The following PBXIP1 variants were observed in gnomAD, a reference collection of about 807,000 sequenced individuals.
PBXIP1 encodes PBX homeobox interacting protein 1, also known as pre-B-cell leukemia transcription factor-interacting protein 1.
A neutral mutation model predicts 73.7 loss-of-function variants in PBXIP1; 73 were observed. The ratio of observed to expected loss-of-function variants is 0.99; its 90% confidence interval spans 0.82 to 1.20. PBXIP1 has a LOEUF of 1.20. PBXIP1 is among the 50% of genes most tolerant of loss of function. PBXIP1 has a pLI of 0.00. For synonymous variants in PBXIP1, 330 were observed against 366.9 expected, an observed-to-expected ratio of 0.90 and a Z score of 1.15; for missense variants, 818 against 911.4, an observed-to-expected ratio of 0.90 and a Z score of 1.32.
Position 154,945,809 on chromosome 1 carries a change from T to A in PBXIP1, c.1865A>T (p.Tyr622Phe). ...QQELASLLRT[Y>F]LARLPWAGQL... ...CCCAGCCCAGGGCAGCCGTGCCAAG[T>A]ATGTTCTTAGCAGAGAGGCCAGCTC... Residue 622 changes from tyrosine (Y) to phenylalanine (F), a missense_variant, in exon 10 of 11, where the codon TAC becomes TTC. Coordinates refer to ENST00000368463, the MANE Select transcript of PBXIP1 (RefSeq NM_020524.4). The A allele has an allele frequency of 6.2e-7, 1 of 1,614,130 alleles. No individual in the cohort carries two copies. Among genetic ancestry groups the A allele is most frequent in the Non-Finnish European group, 8.5e-7 (1 of 1,179,998 alleles).
At chr1:154,948,524 G>C in intron 5 of PBXIP1, 158 bp from the exon 6 acceptor site, 1 of 592,026 alleles carries the variant, frequency 1.7e-6, no homozygotes, top group Non-Finnish European at 3.0e-6. Context: ...ACTTCTGCCT[G>C]GGCATTGATG....
At chr1:154,955,480 A>C (rs541492639) in intron 1 of PBXIP1, among the ~76,000 whole-genome samples, 4 of 152,304 alleles carry the variant, frequency 2.6e-5, no homozygotes, top group Non-Finnish European at 5.9e-5. Context: ...AGACACTCTG[A>C]AACTCCTATA....
Position 154,945,926 on chromosome 1 carries a change from C to T in PBXIP1, c.1748G>A (p.Arg583Gln), listed in dbSNP as rs199769816. The T allele has an allele frequency of 1.2e-5, 19 of 1,614,082 alleles. No individual in the cohort carries two copies. The Admixed American group carries it at 2.5e-4, about 21-fold the overall frequency. ...SWAELLRPKYRAPQGCSGVDE... is the reference protein window; with the variant it reads ...SWAELLRPKYQAPQGCSGVDE... ...CACACCTGAGCAGCCCTGGGGTGCC[C>T]GGTACTTGGGCCTCAACAGCTCTGC... The change falls in exon 10 of 11, where the codon CGG becomes CAG. Residue 583 changes from arginine (R) to glutamine (Q), a missense_variant. Arg to Gln is a conservative substitution (Grantham distance 43). Transcript: ENST00000368463.
intron 2 of PBXIP1, among the ~76,000 whole-genome samples, chr1:154,953,120 G>T (rs559714926): frequency 6.6e-6 from 1 of 152,112 alleles, no homozygotes; most frequent in Non-Finnish European, 1.5e-5. Context: ...GGGGGTCTTT[G>T]AAACACTCTC....
chr1:154,945,632 A>T lies in PBXIP1; in HGVS notation c.2042T>A (p.Val681Glu). The T allele has an allele frequency of 6.2e-7, 1 of 1,614,110 alleles. No individual in the cohort carries two copies. The highest frequency in any genetic ancestry group is 8.5e-7 in the Non-Finnish European group (1 of 1,179,968). Residue 681 changes from valine (V) to glutamate (E), a missense_variant, in exon 10 of 11, where the codon GTA (valine) becomes GAA (glutamate). Coordinates refer to ENST00000368463, the MANE Select transcript of PBXIP1 (RefSeq NM_020524.4). The part of the protein sequence containing the change: ...AVQQTGDDDE[V>E]DDFEDFIFSH... ...GAAGATGAAGTCCTCAAAGTCATCTACTTCATCATCATCACCTGTCTGTTG... is the reference window on the plus strand; with the variant it reads ...GAAGATGAAGTCCTCAAAGTCATCTTCTTCATCATCATCACCTGTCTGTTG...
Position 154,944,448 on chromosome 1 carries a change from A to G in PBXIP1, c.*576T>C, listed in dbSNP as rs1252826927. 1.3e-5 allele frequency: 2 copies of G among 153,054 alleles called. No individual in the cohort carries two copies. Among genetic ancestry groups the G allele is most frequent in the Non-Finnish European group, 1.5e-5 (1 of 68,644 alleles). 9.5% of individuals were successfully genotyped at this position (153,054 alleles called of 1,614,324 possible). ...AGAAACCACCTAGCATCATAGCTGC[A>G]ACAGCACTTTATTGGGATCTGAGTC... is the stretch of plus-strand genomic sequence containing the variant. On this transcript the variant is annotated 3_prime_UTR_variant, in exon 11 of 11. Coordinates refer to ENST00000368463, the MANE Select transcript of PBXIP1 (RefSeq NM_020524.4).
At chr1:154,955,761 T>A (rs1463702229) in intron 1 of PBXIP1, among the ~76,000 whole-genome samples, 1 of 152,172 alleles carries the variant, frequency 6.6e-6, no homozygotes, top group African/African-American at 2.4e-5. Flanking sequence ...CAGAGACTTC[T>A]GCTATTTCTA....
At chr1:154,950,929 C>A (rs913031967) in intron 5 of PBXIP1, among the ~76,000 whole-genome samples, 7 of 152,236 alleles carry the variant, frequency 4.6e-5, no homozygotes, top group African/African-American at 1.7e-4. Context: ...GGCCCAGGGC[C>A]AGCACAAGGA....
rs1166135194 is a variant in PBXIP1, at chr1:154,947,637, CA to C, written c.738+4del. On this transcript the variant is annotated splice_donor_region_variant and intron_variant, in intron 8 of 10. Coordinates refer to ENST00000368463, the MANE Select transcript of PBXIP1 (RefSeq NM_020524.4). Reference sequence around the variant, plus strand: ...CCACCTGCCTCTGGAGACATTCACACATACCTGCCTGTCCCCCACAGCTTCC... The same window carrying C: ...CCACCTGCCTCTGGAGACATTCACACTACCTGCCTGTCCCCCACAGCTTCC... 3 of 1,613,802 alleles carry C rather than the reference CA, an allele frequency of 1.9e-6. No homozygotes were observed. The highest frequency in any genetic ancestry group is 1.7e-6 in the Non-Finnish European group (2 of 1,179,810).
rs1470584714 is a variant in PBXIP1 at position 154,948,241 on chromosome 1, C to T, written c.535G>A (p.Glu179Lys). The T allele has an allele frequency of 3.1e-6, 5 of 1,612,370 alleles. No individual in the cohort carries two copies. Among genetic ancestry groups the T allele is most frequent in the Non-Finnish European group, 4.2e-6 (5 of 1,179,398 alleles). Residue 179 changes from glutamate to lysine, a missense_variant, in exon 6 of 11, where the codon GAG (glutamate) becomes AAG (lysine). Glu to Lys is a moderately conservative substitution (Grantham distance 56). Transcript: ENST00000368463. The part of the protein sequence containing the change: ...PPQPMVPLAV[E>K]NQAGGEGAGG... The stretch of plus-strand genomic sequence containing the variant: ...GCACCCTCACCCCCAGCCTGGTTCT[C>T]CACAGCCAGGGGCACCATGGGCTGA...
Position 154,946,623 on chromosome 1 carries a change from C to T in PBXIP1, c.1051G>A (p.Gly351Arg). Residue 351 changes from glycine (G) to arginine (R), a missense_variant, in exon 10 of 11, where the codon GGG (glycine) becomes AGG (arginine). Gly to Arg is a moderately radical substitution (Grantham distance 125). Coordinates refer to ENST00000368463, the MANE Select transcript of PBXIP1 (RefSeq NM_020524.4). ...LEADCVRGPD[G>R]VCLSGGRGPQ... ...CCTCTACCCCCACTGAGGCACACCCCATCTGGGCCCCGGACACAGTCGGCC... is the reference window on the plus strand; with the variant it reads ...CCTCTACCCCCACTGAGGCACACCCTATCTGGGCCCCGGACACAGTCGGCC... The T allele has an allele frequency of 5.0e-6, 8 of 1,612,588 alleles. No individual in the cohort carries two copies. Among genetic ancestry groups the T allele is most frequent in the Non-Finnish European group, 5.9e-6 (7 of 1,179,060 alleles).
intron 1 of PBXIP1, among the ~76,000 whole-genome samples, chr1:154,954,417 C>A (rs546059042): frequency 3.9e-5 from 6 of 152,296 alleles, no homozygotes; most frequent in African/African-American, 1.4e-4. Flanking sequence ...GATTCTCATG[C>A]GCAGCCAGGG....
In PBXIP1 at chr1:154,947,702, C is replaced by T. The variant is rs1048942616; in HGVS notation, c.678G>A (p.Glu226=). 1.4e-5 allele frequency: 22 copies of T among 1,613,548 alleles called. No homozygotes were observed. Among genetic ancestry groups the T allele is most frequent in the Non-Finnish European group, 1.8e-5 (21 of 1,179,950 alleles). The change falls in exon 8 of 11, where the codon GAG becomes GAA. Residue 226 remains glutamate (E), a synonymous_variant. Coordinates refer to ENST00000368463, the MANE Select transcript of PBXIP1 (RefSeq NM_020524.4). The part of the protein sequence containing the change: ...GLSESETGPM[E]EVERQVLPDP... ...CTGGGAGGACCTGCCGCTCCACTTC[C>T]TCCATGGGCCCTGTGGGAAAGGGAA... is the stretch of plus-strand genomic sequence containing the variant.
In PBXIP1 at chr1:154,951,854, G is replaced by T; in HGVS notation, c.119C>A (p.Ala40Asp). The change falls in exon 3 of 11, where the codon GCC (alanine) becomes GAC (aspartate). Residue 40 changes from alanine to aspartate, a missense_variant. Coordinates refer to ENST00000368463, the MANE Select transcript of PBXIP1 (RefSeq NM_020524.4). This position sits in a 1 kb window ranked among gnomAD's most constrained non-coding sequence, Gnocchi z 4.3. The stretch of plus-strand genomic sequence containing the variant: ...ATCTGTCTTGGAGGGGCTGTGAGGG[G>T]CCTGCAGGGCTCTCTCAGATTCTGG... ...MDPESERALQ[A>D]PHSPSKTDGK... The T allele has an allele frequency of 6.2e-7, 1 of 1,613,306 alleles. No homozygotes were observed. Among genetic ancestry groups the T allele is most frequent in the South Asian group, 1.1e-5 (1 of 91,060 alleles).
At position 154,945,020 on chromosome 1, in the gene PBXIP1, G is replaced by A. The variant is rs199701907; in HGVS notation, c.*4C>T. ...GCCAAGGCCATTCCCTGTGGGGCAG[G>A]GTGTCAGCCCCGGTGGTGGTGGTGG... On this transcript the variant is annotated 3_prime_UTR_variant, in exon 11 of 11. Transcript: ENST00000368463. 199 of 1,610,896 alleles carry A rather than the reference G, an allele frequency of 1.2e-4. No homozygotes were observed. The highest frequency in any genetic ancestry group is 2.5e-4 in the Admixed American group (15 of 60,028).
intron 10 of PBXIP1, 129 bp from the exon 11 acceptor site, chr1:154,945,246 C>G: frequency 2.9e-6 from 2 of 680,412 alleles, no homozygotes; most frequent in Non-Finnish European, 5.0e-6. Flanking sequence ...GTGGGAAAAA[C>G]CTGGTCTCCC....
chr1:154,947,584 C>T, intron 8 of PBXIP1, 36 bp from the exon 9 acceptor site: 6 of 1,606,252 alleles, frequency 3.7e-6, no homozygotes, highest in Non-Finnish European at 5.1e-6. Flanking sequence ...CATGCTACCC[C>T]ACAGCCCAGG....
intron 2 of PBXIP1, 21 bp downstream of exon 2, chr1:154,953,650 T>C (rs774364870): frequency 6.3e-7 from 1 of 1,584,254 alleles, no homozygotes. Context: ...CCCCCATGGT[T>C]CCCAGGCCCG....
At position 154,946,400 on chromosome 1, in the gene PBXIP1, G is replaced by A; in HGVS notation, c.1274C>T (p.Ala425Val). The change falls in exon 10 of 11, where the codon GCT becomes GTT. Residue 425 changes from alanine to valine, a missense_variant. By Grantham distance (64) the Ala-to-Val change is moderately conservative. Transcript: ENST00000368463. ...GCCCAGCTCAGCCAAGCCAGCATGA[G>A]CTGGGTCCCCGCGGCTGGCATCCTG... ...SLQDASRGDP[A>V]HAGLAELGHR... is the part of the protein sequence containing the mutation. 1 of 1,612,334 alleles carries A rather than the reference G, an allele frequency of 6.2e-7. No homozygotes were observed.
Sources: allele counts gnomAD v4.1 joint callset (sites outside exome capture counted in the v4.1 genomes callset), GRCh38; gene constraint gnomAD v4.1.1; non-coding constraint Gnocchi (gnomAD v3.1); transcripts MANE v1.5; gene names NCBI Gene and HGNC (gene_info 2026-07-23, HGNC 2026-07-21).